The following LRMDA variants were observed in gnomAD, a reference collection of about 807,000 sequenced individuals.
The protein encoded by LRMDA is leucine-rich melanocyte differentiation-associated protein.
In LRMDA, 18 loss-of-function variants were observed where a neutral mutation model predicts 29.8. That is an observed-to-expected ratio of 0.60 (90% CI 0.42 to 0.90). The LOEUF (loss-of-function observed/expected upper bound fraction) is 0.90, where lower values mean the gene tolerates loss of function less well. LRMDA is among the 40% of genes least tolerant of loss of function. LRMDA has a pLI of 0.00. For synonymous variants in LRMDA, 125 were observed against 109.4 expected, an observed-to-expected ratio of 1.14 and a Z score of -0.89; for missense variants, 273 against 273.9, an observed-to-expected ratio of 1.00 and a Z score of 0.02.
At position 75,843,825 on chromosome 10, in the gene LRMDA, G is replaced by A. The variant is rs182475795; in HGVS notation, c.132-192183G>A. On this transcript the variant is annotated intron_variant, in intron 2 of 6. Transcript: ENST00000611255. ...AATAGCAACACAAAATTTAAAATAAGCCAATAGAAGAGGAGATGTTGTAAG... is the reference window on the plus strand; with the variant it reads ...AATAGCAACACAAAATTTAAAATAAACCAATAGAAGAGGAGATGTTGTAAG... Among the ~76,000 whole-genome samples, 9 of 152,266 alleles carry A rather than the reference G, an allele frequency of 5.9e-5. No homozygotes were observed. The East Asian group carries it at 1.5e-3, about 26-fold the overall frequency.
At chr10:76,515,099 C>T (rs371561889) in intron 6 of LRMDA, among the ~76,000 whole-genome samples, 6 of 152,198 alleles carry the variant, frequency 3.9e-5, no homozygotes, top group African/African-American at 1.2e-4. Flanking sequence ...ACTAAACATG[C>T]CTTTCAGGGA....
intron 2 of LRMDA, among the ~76,000 whole-genome samples, chr10:75,562,596 C>T (rs1401891778): frequency 3.3e-5 from 5 of 152,038 alleles, no homozygotes; most frequent in Admixed American, 6.6e-5. Flanking sequence ...TTATTTTGCT[C>T]GTTAGTTGAT....
At chr10:75,705,288 C>G (rs1233441328) in intron 2 of LRMDA, among the ~76,000 whole-genome samples, 1 of 152,124 alleles carries the variant, frequency 6.6e-6, no homozygotes, top group Non-Finnish European at 1.5e-5. Context: ...AGGGTTTCCC[C>G]CACTAAATTC....
intron 5 of LRMDA, among the ~76,000 whole-genome samples, chr10:76,165,557 C>A (rs556192744): frequency 6.6e-6 from 1 of 152,210 alleles, no homozygotes; most frequent in Non-Finnish European, 1.5e-5. Context: ...CAGGCGTGAG[C>A]CATTGCACCC....
At chr10:76,234,820 A>G (rs2132276534) in intron 5 of LRMDA, among the ~76,000 whole-genome samples, 1 of 152,316 alleles carries the variant, frequency 6.6e-6, no homozygotes, top group South Asian at 2.1e-4. Flanking sequence ...GCTCTGGATT[A>G]GGCTTTGGCT....
At chr10:75,615,405 C>T (rs182366017) in intron 2 of LRMDA, among the ~76,000 whole-genome samples, 11 of 152,070 alleles carry the variant, frequency 7.2e-5, no homozygotes, top group East Asian at 1.9e-4. Flanking sequence ...TGTGAAAATC[C>T]GAAATCCAAA....
rs564229815 is a variant in LRMDA at position 75,609,633 on chromosome 10, A to C, written c.131+171139A>C. 2.5e-3 allele frequency among the ~76,000 whole-genome samples: 382 copies of C among 152,334 alleles called. 1 individual carries two copies. Among genetic ancestry groups the C allele is most frequent in the South Asian group, 8.1e-3 (39 of 4,822 alleles). The stretch of plus-strand genomic sequence containing the variant: ...TAAAATACTTTGCCAGGTGGTAAGC[A>C]TTGTGGACAGGTGTAGTGCATTGGA... On this transcript the variant is annotated intron_variant, in intron 2 of 6. Coordinates refer to ENST00000611255, the MANE Select transcript of LRMDA (RefSeq NM_001305581.2).
chr10:75,593,740 T>C (rs141959975), intron 2 of LRMDA, among the ~76,000 whole-genome samples: 31 of 152,284 alleles, frequency 2.0e-4, no homozygotes, highest in Admixed American at 5.2e-4. Flanking sequence ...CCATGGAAGT[T>C]CACGTCAGGG....
chr10:75,935,333 G>T (rs774754299), intron 2 of LRMDA, among the ~76,000 whole-genome samples: 2 of 152,212 alleles, frequency 1.3e-5, no homozygotes, highest in Non-Finnish European at 2.9e-5. Flanking sequence ...GAATAAGTGT[G>T]TCAGGTACTG....
intron 2 of LRMDA, among the ~76,000 whole-genome samples, chr10:75,484,338 C>G (rs547166955): frequency 6.6e-6 from 1 of 151,938 alleles, no homozygotes; most frequent in South Asian, 2.1e-4. Flanking sequence ...CTCTTAAAAA[C>G]CCCCCCTTAG....
At chr10:76,413,028 G>A (rs1841979226) in intron 6 of LRMDA, among the ~76,000 whole-genome samples, 1 of 152,028 alleles carries the variant, frequency 6.6e-6, no homozygotes, top group South Asian at 2.1e-4. Flanking sequence ...CTCTTTGGAT[G>A]AGTCCTGGTG....
In LRMDA at chr10:75,896,506, C is replaced by T. The variant is rs187835843; in HGVS notation, c.132-139502C>T. 1.2e-3 allele frequency among the ~76,000 whole-genome samples: 185 copies of T among 152,250 alleles called. 1 individual carries two copies. The South Asian group carries it at 0.013, about 11-fold the overall frequency. On this transcript the variant is annotated intron_variant, in intron 2 of 6. Coordinates refer to ENST00000611255, the MANE Select transcript of LRMDA (RefSeq NM_001305581.2). Reference sequence around the variant, plus strand: ...ACCTCTTGTTGTCCCTGGTGTGTCACAGGGGCCTGTGGCCTGTGGCCTGTG... The same window carrying T: ...ACCTCTTGTTGTCCCTGGTGTGTCATAGGGGCCTGTGGCCTGTGGCCTGTG...
In LRMDA at chr10:75,731,887, T is replaced by C. The variant is rs141490451; in HGVS notation, c.131+293393T>C. 1.6e-3 allele frequency among the ~76,000 whole-genome samples: 238 copies of C among 152,320 alleles called. 2 individuals carry two copies. Among genetic ancestry groups the C allele is most frequent in the African/African-American group, 5.5e-3 (230 of 41,576 alleles). ...TTGTCTTTATATTTTCATAATGACA[T>C]TGAAAAAATCCGAAGTATATGCATT... On this transcript the variant is annotated intron_variant, in intron 2 of 6. Transcript: ENST00000611255.
At chr10:76,557,078 T>C in intron 6 of LRMDA, 131 bp from the exon 7 acceptor site, 1 of 713,632 alleles carries the variant, frequency 1.4e-6, no homozygotes, top group Non-Finnish European at 2.5e-6. Context: ...AGTTCTTCCC[T>C]TCTGGAGCTT....
chr10:76,538,511 TG>T (rs1843316071), intron 6 of LRMDA, among the ~76,000 whole-genome samples: 1 of 147,760 alleles, frequency 6.8e-6, no homozygotes, highest in Non-Finnish European at 1.5e-5. Context: ...TATATATATA[TG>T]TATATACATA....
chr10:75,939,289 C>CCACT (rs1846348997), intron 2 of LRMDA, among the ~76,000 whole-genome samples: 1 of 152,144 alleles, frequency 6.6e-6, no homozygotes, highest in Non-Finnish European at 1.5e-5. Flanking sequence ...ATGCAGCTTT[C>CCACT]CACTCTGAAT....
chr10:75,918,782 T>A (rs1845977024), intron 2 of LRMDA, among the ~76,000 whole-genome samples: 1 of 152,196 alleles, frequency 6.6e-6, no homozygotes, highest in South Asian at 2.1e-4. Context: ...TAGGTAAGTA[T>A]GAATGTGAGG....
intron 6 of LRMDA, among the ~76,000 whole-genome samples, chr10:76,336,044 A>G (rs910941468): frequency 7.9e-6 from 1 of 125,936 alleles, no homozygotes; most frequent in Non-Finnish European, 1.6e-5. Flanking sequence ...TTAGAATTTT[A>G]TTTTTGGTTT....
intron 6 of LRMDA, among the ~76,000 whole-genome samples, chr10:76,363,572 A>G (rs1234056339): frequency 1.3e-5 from 2 of 152,146 alleles, no homozygotes; most frequent in African/African-American, 4.8e-5. Flanking sequence ...AGTGAGGGGT[A>G]GTGTGGTATG....
Sources: gnomAD v4.1 joint callset for allele counts (sites outside exome capture counted in the v4.1 genomes callset) on GRCh38, gnomAD v4.1.1 for gene constraint, MANE v1.5 for transcripts, NCBI Gene and HGNC (gene_info 2026-07-23, HGNC 2026-07-21) for gene names.